The following GET1 variants were observed in gnomAD, a reference collection of about 807,000 sequenced individuals.
GET1 encodes the protein guided entry of tail-anchored proteins factor 1, also known as congenital heart disease 5 protein.
Under a neutral mutation model 22.6 loss-of-function variants are expected in GET1, and 20 were observed. The ratio of observed to expected loss-of-function variants is 0.89; its 90% CI spans 0.62 to 1.29. GET1 has a LOEUF of 1.29. GET1 is among the 50% of genes most tolerant of loss of function. The probability of loss-of-function intolerance (pLI) is 0.00; values close to 1 mark genes in which losing one functional copy is unlikely to be tolerated. For synonymous variants in GET1, 92 were observed against 83.8 expected (o/e 1.10, Z -0.53); for missense variants, 209 against 219.9 (o/e 0.95, Z 0.31).
At chr21:39,396,758 G>T in intron 4 of GET1, 108 bp from the exon 5 acceptor site, 2 of 1,026,192 alleles carry the variant, frequency 1.9e-6, no homozygotes, top group Non-Finnish European at 3.0e-6. Context: ...GCCCAGCACT[G>T]CTCAAAAAGA....
At chr21:39,406,698 A>G, downstream of GET1, 1 of 1,000,866 alleles carries the variant, frequency 1.0e-6, no homozygotes, top group South Asian at 1.6e-5. Flanking sequence ...ACTTACGTGC[A>G]CCGCCTCACA....
At chr21:39,386,457 A>C (rs1183236949) in intron 1 of GET1, 2 of 152,340 alleles carry the variant, frequency 1.3e-5, no homozygotes, top group Non-Finnish European at 2.9e-5. Context: ...TGGGGGCAGC[A>C]GCCAAGGACT....
intron 1 of GET1, among the ~76,000 whole-genome samples, chr21:39,413,292 C>T (rs928399063): frequency 1.3e-5 from 2 of 152,110 alleles, no homozygotes; most frequent in African/African-American, 4.8e-5. Context: ...TCCACTGAGA[C>T]AGAAGATAGG....
At chr21:39,423,404 C>G (rs947353048) in intron 1 of GET1, 2 of 1,607,072 alleles carry the variant, frequency 1.2e-6, no homozygotes, top group African/African-American at 1.3e-5. Flanking sequence ...GCCATAGCAT[C>G]TCTTCTTTGG....
chr21:39,400,508 C>T (rs941635088), downstream of GET1, among the ~76,000 whole-genome samples: 8 of 152,138 alleles, frequency 5.3e-5, no homozygotes, highest in African/African-American at 1.9e-4. Context: ...CCACTAGAGC[C>T]GTGTATGGAG....
At chr21:39,410,812 C>T (rs1199524388), downstream of GET1, 1 of 470,870 alleles carries the variant, frequency 2.1e-6, no homozygotes, top group Admixed American at 2.4e-5. Context: ...TTAAACAACC[C>T]CTCGGTTGAT....
chr21:39,414,742 C>CTCTCTCTG (rs1341489035), intron 1 of GET1, among the ~76,000 whole-genome samples: 22 of 99,236 alleles, frequency 2.2e-4, no homozygotes, highest in African/African-American at 6.2e-4. Context: ...CTCTCTCTCT[C>CTCTCTCTG]TGTGTGTGTG....
downstream of GET1, chr21:39,408,004 A>G (rs571431437): frequency 6.6e-6 from 1 of 152,228 alleles, no homozygotes; most frequent in Non-Finnish European, 1.5e-5. Context: ...TGAAGGCCCA[A>G]TGTGTTCAAC....
intron 1 of GET1, among the ~76,000 whole-genome samples, chr21:39,420,541 A>G (rs2042122358): frequency 6.6e-6 from 1 of 150,498 alleles, no homozygotes; most frequent in South Asian, 2.1e-4. Context: ...AAAAAAAAAA[A>G]GATAAACAGA....
At chr21:39,406,493 G>T (rs1246360439) in exon 5 of GET1, 4 of 1,613,472 alleles carry the variant, frequency 2.5e-6, no homozygotes, top group Non-Finnish European at 2.5e-6. Flanking sequence ...TTTGGTGGTA[G>T]TTCTTGCTCT....
At chr21:39,423,199 T>C (rs969639528) in intron 1 of GET1, 2 of 1,612,928 alleles carry the variant, frequency 1.2e-6, no homozygotes, top group Admixed American at 3.3e-5. Context: ...TTTTACTTCA[T>C]TCTGATGTTT....
chr21:39,397,030 C>A lies in GET1; in HGVS notation c.*91C>A. The A allele has an allele frequency of 5.1e-6, 7 of 1,364,208 alleles. No individual in the cohort carries two copies. Among genetic ancestry groups the A allele is most frequent in the African/African-American group, 1.4e-5 (1 of 69,012 alleles). 84.5% of individuals were successfully genotyped at this position (1,364,208 alleles called of 1,614,324 possible). On this transcript the variant is annotated 3_prime_UTR_variant, in exon 5 of 5. Transcript: ENST00000649170. ...TTACACTGTTTTGTTTTTTAAGAAA[C>A]AAAAGTGCATAGTTTAGATTTTTTT...
chr21:39,420,733 T>C (rs1382481813), intron 1 of GET1: 1 of 1,612,788 alleles, frequency 6.2e-7, no homozygotes, highest in Non-Finnish European at 8.5e-7. Context: ...GGTGTTTTAC[T>C]TCCACCTGCA....
At chr21:39,414,736 C>CTGTG (rs1445537335) in intron 1 of GET1, among the ~76,000 whole-genome samples, 44 of 92,258 alleles carry the variant, frequency 4.8e-4, no homozygotes, top group East Asian at 9.4e-4. Flanking sequence ...CTCTCTCTCT[C>CTGTG]TCTCTCTGTG....
In GET1 at chr21:39,396,837, G is replaced by A. The variant is rs773506724; in HGVS notation, c.452-29G>A. 2.1e-5 allele frequency: 33 copies of A among 1,608,140 alleles called. No homozygotes were observed. The South Asian group carries it at 2.7e-4, about 13-fold the overall frequency. On this transcript the variant is annotated intron_variant, in intron 4 of 4. Transcript: ENST00000649170. ...GATGGGGGCAGCACTGCTGGTATGC[G>A]CTCTCATGGTGAATGTCTTTGTTTT...
In GET1 at chr21:39,380,713, C is replaced by T. The variant is rs1303130431; in HGVS notation, c.102+227C>T. 2.3e-6 allele frequency: 3 copies of T among 1,303,224 alleles called. No homozygotes were observed. The Admixed American group carries it at 9.9e-5, about 43-fold the overall frequency. 80.7% of individuals were successfully genotyped at this position (1,303,224 alleles called of 1,614,324 possible). A position where few individuals can be genotyped will look rare whatever the true frequency, so the allele number is the denominator to read the frequency against. On this transcript the variant is annotated intron_variant, in intron 1 of 4. Transcript: ENST00000649170. ...GGGGTTGGGAGAAACACCGGGCAAC[C>T]CTGGACTCTTCTGGCTGTGGGTGGC... is the stretch of plus-strand genomic sequence containing the variant.
chr21:39,389,371 T>C (rs894981124), intron 1 of GET1, among the ~76,000 whole-genome samples: 1 of 151,916 alleles, frequency 6.6e-6, no homozygotes, highest in Non-Finnish European at 1.5e-5. Context: ...AGCCTTGAAC[T>C]CCTGTATACA....
At chr21:39,419,457 C>G (rs915449561) in intron 1 of GET1, among the ~76,000 whole-genome samples, 2 of 144,878 alleles carry the variant, frequency 1.4e-5, no homozygotes, top group African/African-American at 5.2e-5. Flanking sequence ...CCCAGGAGTT[C>G]GAGGCTGCAG....
chr21:39,415,673 T>G (rs188106931), intron 1 of GET1, among the ~76,000 whole-genome samples: 32 of 152,368 alleles, frequency 2.1e-4, no homozygotes, highest in African/African-American at 7.7e-4. Flanking sequence ...TTAAAAGGTT[T>G]GTTTGAATTA....
Sources: allele counts gnomAD v4.1 joint callset (sites outside exome capture counted in the v4.1 genomes callset), GRCh38; gene constraint gnomAD v4.1.1; transcripts MANE v1.5; gene names NCBI Gene and HGNC (gene_info 2026-07-23, HGNC 2026-07-21).